Variants in PRELID3A observed in about 807,000 individuals in gnomAD.
PRELID3A encodes PRELI domain containing protein 3A.
In PRELID3A, 27 loss-of-function variants were observed where a neutral mutation model predicts 23.0. That is an observed-to-expected ratio of 1.17 (90% confidence interval 0.87 to 1.62). The LOEUF (loss-of-function observed/expected upper bound fraction) is 1.62. Ranked by LOEUF, PRELID3A falls within the 40% of genes most tolerant of loss-of-function variation. The probability of loss-of-function intolerance (pLI) is 0.00; values close to 1 mark genes in which losing one functional copy is unlikely to be tolerated. For synonymous variants in PRELID3A, 87 were observed against 86.4 expected (o/e 1.01, Z -0.04); for missense variants, 231 against 231.4 (o/e 1.00, Z 0.01).
At chr18:12,411,342 T>C (rs1748156030) in intron 1 of PRELID3A, among the ~76,000 whole-genome samples, 2 of 150,758 alleles carry the variant, frequency 1.3e-5, no homozygotes, top group South Asian at 4.2e-4. Flanking sequence ...GGCGGGTGCC[T>C]GTAGTCCCAG....
At chr18:12,420,117 A>C (rs2030105881) in intron 1 of PRELID3A, 1 of 1,420,460 alleles carries the variant, frequency 7.0e-7, no homozygotes, top group Non-Finnish European at 9.2e-7. Flanking sequence ...ACAAACAAAA[A>C]CCAAGGGGCT....
chr18:12,411,301 TAAA>T (rs775153295), intron 1 of PRELID3A, among the ~76,000 whole-genome samples: 1 of 132,264 alleles, frequency 7.6e-6, no homozygotes, highest in Non-Finnish European at 1.6e-5. Flanking sequence ...TACTAAAAAA[TAAA>T]AAAAAAAAAA....
At chr18:12,430,351 T>C in intron 6 of PRELID3A, among the ~76,000 whole-genome samples, 1 of 144,588 alleles carries the variant, frequency 6.9e-6, no homozygotes, top group South Asian at 2.2e-4. Flanking sequence ...GTGCGTGGTA[T>C]GTATATATGT....
chr18:12,426,323 G>A (rs138594213), intron 3 of PRELID3A, among the ~76,000 whole-genome samples: 2,712 of 151,566 alleles, frequency 0.018, 84 homozygotes, highest in African/African-American at 0.062. Context: ...GGGAGGCCAA[G>A]GCGGGCGGAT....
rs1216227747 is a variant in PRELID3A at position 12,431,940 on chromosome 18, C to T, written c.*824C>T. ...ATCCAAGGTTTGAGTTCCTGTTTTT[C>T]GCCTTATAGTTTTGTGAGTGTTTGA... On this transcript the variant is annotated 3_prime_UTR_variant, in exon 7 of 7. Coordinates refer to ENST00000440960, the MANE Select transcript of PRELID3A (RefSeq NM_001142405.2). The T allele has an allele frequency of 6.6e-6, 1 of 152,200 alleles. No individual in the cohort carries two copies. The highest frequency in any genetic ancestry group is 6.5e-5 in the Admixed American group (1 of 15,286). 9.4% of individuals were successfully genotyped at this position (152,200 alleles called of 1,614,324 possible).
intron 5 of PRELID3A, among the ~76,000 whole-genome samples, chr18:12,429,079 A>G (rs1477008413): frequency 6.6e-6 from 1 of 151,902 alleles, no homozygotes; most frequent in Non-Finnish European, 1.5e-5. Context: ...CAGCGCTGGG[A>G]TTTGGGAGGT....
chr18:12,430,074 G>C (rs567164705), intron 6 of PRELID3A, among the ~76,000 whole-genome samples: 3 of 152,216 alleles, frequency 2.0e-5, no homozygotes, highest in Non-Finnish European at 4.4e-5. Context: ...TGGGCTGCTC[G>C]TCCCCATCTG....
At chr18:12,425,488 C>T (rs1304922309) in intron 3 of PRELID3A, among the ~76,000 whole-genome samples, 10 of 150,066 alleles carry the variant, frequency 6.7e-5, no homozygotes, top group Non-Finnish European at 1.2e-4. Context: ...AAAAATTAGC[C>T]AGGCATGGTG....
chr18:12,415,624 A>G (rs2029923530), intron 1 of PRELID3A, among the ~76,000 whole-genome samples: 1 of 152,176 alleles, frequency 6.6e-6, no homozygotes, highest in Admixed American at 6.5e-5. Flanking sequence ...AGAGACTAGA[A>G]TACTGAGAGC....
chr18:12,408,262 C>G (rs1262753420), intron 1 of PRELID3A, among the ~76,000 whole-genome samples: 1 of 151,656 alleles, frequency 6.6e-6, no homozygotes, highest in Non-Finnish European at 1.5e-5. Context: ...TGGCTGCAGG[C>G]ACAGAGGCCC....
chr18:12,410,632 C>A (rs73401973), intron 1 of PRELID3A: 7,605 of 151,914 alleles, frequency 0.05, 597 homozygotes, highest in African/African-American at 0.17. Flanking sequence ...CTTTTTCTTT[C>A]TATACTTAAA....
chr18:12,430,478 GGT>G lies in PRELID3A; in HGVS notation c.*34-660_*34-659del, dbSNP rs771076520. Reference sequence around the variant, plus strand: ...GTGTGTGTGCTGTGTGTATATATGTGGTGTGTGTGTGTGGTGTGTATGCTGGT... The same window carrying G: ...GTGTGTGTGCTGTGTGTATATATGTGGTGTGTGTGTGGTGTGTATGCTGGT... On this transcript the variant is annotated intron_variant, in intron 6 of 6. Transcript: ENST00000440960. Among the ~76,000 whole-genome samples, 608 of 145,682 alleles carry G rather than the reference GGT, an allele frequency of 4.2e-3. 5 individuals are homozygous for G. Among genetic ancestry groups the G allele is most frequent in the African/African-American group, 0.014 (523 of 38,526 alleles).
chr18:12,412,546 T>C lies in PRELID3A; in HGVS notation c.32+4539T>C, dbSNP rs143475491. Among the ~76,000 whole-genome samples, 292 of 152,332 alleles carry C rather than the reference T, an allele frequency of 1.9e-3. 2 individuals carry two copies. Among genetic ancestry groups the C allele is most frequent in the South Asian group, 8.1e-3 (39 of 4,830 alleles). Reference sequence around the variant, plus strand: ...GTCTATAGATGTCTACATAAATATATGTAGATATAGATAGATATTAATAGC... The same window carrying C: ...GTCTATAGATGTCTACATAAATATACGTAGATATAGATAGATATTAATAGC... On this transcript the variant is annotated intron_variant, in intron 1 of 6. Coordinates refer to ENST00000440960, the MANE Select transcript of PRELID3A (RefSeq NM_001142405.2).
intron 1 of PRELID3A, among the ~76,000 whole-genome samples, chr18:12,414,374 C>T (rs1568160590): frequency 6.6e-6 from 1 of 152,260 alleles, no homozygotes; most frequent in South Asian, 2.1e-4. Flanking sequence ...TGGGAAGATA[C>T]TGGCTCTGTC....
chr18:12,409,387 G>C (rs909623609), intron 1 of PRELID3A, among the ~76,000 whole-genome samples: 2 of 151,730 alleles, frequency 1.3e-5, no homozygotes, highest in African/African-American at 2.4e-5. Flanking sequence ...GGCTGGTCTC[G>C]AGCTCCTGAC....
At chr18:12,423,258 C>T (rs73949228) in intron 3 of PRELID3A, among the ~76,000 whole-genome samples, 2,214 of 152,126 alleles carry the variant, frequency 0.015, 38 homozygotes, top group East Asian at 0.085. Context: ...GCAGAGGAGC[C>T]GGAGGTCGTT....
intron 1 of PRELID3A, among the ~76,000 whole-genome samples, chr18:12,419,628 C>G (rs1253980221): frequency 6.8e-6 from 1 of 147,438 alleles, no homozygotes; most frequent in Non-Finnish European, 1.5e-5. Context: ...GACCCCATCT[C>G]AAAAAAAAAT....
rs747513351 is a variant in PRELID3A, at chr18:12,420,446, T to C, written c.154T>C (p.Leu52=). 38 of 1,575,790 alleles carry C rather than the reference T, an allele frequency of 2.4e-5. No homozygotes were observed. The highest frequency in any genetic ancestry group is 2.9e-5 in the Non-Finnish European group (34 of 1,161,832). ...RVDGRGRLHS[L]RLLSTEWGLP... ...GGACGGCCGCGGCCGCCTGCACAGCTTGCGCCTGCTCAGCACCGAGTGGGG... is the reference window on the plus strand; with the variant it reads ...GGACGGCCGCGGCCGCCTGCACAGCCTGCGCCTGCTCAGCACCGAGTGGGG... The change falls in exon 2 of 7, where the codon TTG becomes CTG. Residue 52 remains leucine, a synonymous_variant. Transcript: ENST00000440960.
intron 1 of PRELID3A, among the ~76,000 whole-genome samples, chr18:12,418,020 C>T (rs1473850055): frequency 2.6e-5 from 4 of 152,224 alleles, no homozygotes; most frequent in African/African-American, 9.6e-5. Flanking sequence ...ACCTGGTTCT[C>T]ATCTGGGCCC....
Sources: allele counts gnomAD v4.1 joint callset (sites outside exome capture counted in the v4.1 genomes callset), GRCh38; gene constraint gnomAD v4.1.1; transcripts MANE v1.5; gene names NCBI Gene and HGNC (gene_info 2026-07-23, HGNC 2026-07-21).